The following XPR1 variants were observed in gnomAD, a reference collection of about 807,000 sequenced individuals.
XPR1 encodes the protein solute carrier family 53 member 1.
A neutral mutation model predicts 87.5 loss-of-function variants in XPR1; 28 were observed. That is an observed-to-expected ratio of 0.32 (90% confidence interval 0.24 to 0.44). The LOEUF (loss-of-function observed/expected upper bound fraction) is 0.44. XPR1 is among the 20% of genes least tolerant of loss of function. The pLI is 1.00. For missense variants in XPR1, 559 were observed against 862.3 expected, an observed-to-expected ratio of 0.65 and a Z score of 4.41; for synonymous variants, 300 against 306.1, an observed-to-expected ratio of 0.98 and a Z score of 0.21.
rs1403050257 is a variant in XPR1, at chr1:180,882,216, G to A, written c.2031-1790G>A. On this transcript the variant is annotated intron_variant, in intron 14 of 14. Transcript: ENST00000367590. ...CGGAGAAACTCTGGGAAACCAGATT[G>A]CACCAAGAGTAAGACATTAGGAATG... is the stretch of plus-strand genomic sequence containing the variant. Among the ~76,000 whole-genome samples the A allele has an allele frequency of 2.0e-5, 3 of 152,184 alleles. No homozygotes were observed. The East Asian group carries it at 5.8e-4, about 29-fold the overall frequency.
At position 180,696,779 on chromosome 1, in the gene XPR1, A is replaced by G. The variant is rs139066773; in HGVS notation, c.121+14368A>G. Among the ~76,000 whole-genome samples, 1,185 of 152,148 alleles carry G rather than the reference A, an allele frequency of 7.8e-3. 17 individuals carry two copies. Among genetic ancestry groups the G allele is most frequent in the African/African-American group, 0.027 (1,132 of 41,538 alleles). On this transcript the variant is annotated intron_variant, in intron 2 of 14. Coordinates refer to ENST00000367590, the MANE Select transcript of XPR1 (RefSeq NM_004736.4). The stretch of plus-strand genomic sequence containing the variant: ...GGTTTTTGTTTTCTGGTGATGTGAT[A>G]TTTCACATTTATTGATTTGTGTATG...
rs765908625 is a variant in XPR1, at chr1:180,806,454, G to A, written c.598-20G>A. 18 of 1,610,784 alleles carry A rather than the reference G, an allele frequency of 1.1e-5. No individual in the cohort carries two copies. The highest frequency in any genetic ancestry group is 3.3e-5 in the South Asian group (3 of 90,652). On this transcript the variant is annotated intron_variant, in intron 5 of 14. Transcript: ENST00000367590. ...AAGTTTAGTATAACCTAACCAAAAT[G>A]TAATAATTTGTCTTTCTAGGCTGTA... is the stretch of plus-strand genomic sequence containing the variant.
At chr1:180,750,313 G>C (rs1647485602) in intron 2 of XPR1, among the ~76,000 whole-genome samples, 1 of 152,000 alleles carries the variant, frequency 6.6e-6, no homozygotes, top group Non-Finnish European at 1.5e-5. Context: ...GCTCCCAAAG[G>C]GGAAGAACTA....
intron 1 of XPR1, among the ~76,000 whole-genome samples, chr1:180,680,840 A>G (rs757934447): frequency 1.3e-5 from 2 of 152,210 alleles, no homozygotes; most frequent in Admixed American, 6.5e-5. Flanking sequence ...GCTAAAGAAG[A>G]TGTGATGTAT....
intron 13 of XPR1, 73 bp from the exon 14 acceptor site, chr1:180,880,003 C>A: frequency 6.7e-7 from 1 of 1,501,734 alleles, no homozygotes; most frequent in Non-Finnish European, 9.2e-7. Flanking sequence ...AAACTTGATA[C>A]ACTGGGAGGT....
chr1:180,757,552 A>G (rs1486575830), intron 2 of XPR1, among the ~76,000 whole-genome samples: 1 of 141,688 alleles, frequency 7.1e-6, no homozygotes, highest in Non-Finnish European at 1.5e-5. Flanking sequence ...CTCTTTGTCC[A>G]TGCTGGAGTG....
intron 1 of XPR1, among the ~76,000 whole-genome samples, chr1:180,675,553 A>G (rs1656341003): frequency 1.3e-5 from 2 of 152,212 alleles, no homozygotes; most frequent in South Asian, 4.1e-4. Flanking sequence ...AACAGAAATA[A>G]GTTAACAGAA....
chr1:180,772,338 A>C (rs564748714), intron 2 of XPR1, among the ~76,000 whole-genome samples: 5 of 152,266 alleles, frequency 3.3e-5, no homozygotes, highest in Admixed American at 2.6e-4. Context: ...CTGGAAATCA[A>C]CTTCGTCTCC....
At position 180,704,274 on chromosome 1, in the gene XPR1, A is replaced by ATATATATATATG. The variant is rs1378621484; in HGVS notation, c.121+21866_121+21867insATATATATGTAT. On this transcript the variant is annotated intron_variant, in intron 2 of 14. Coordinates refer to ENST00000367590, the MANE Select transcript of XPR1 (RefSeq NM_004736.4). ...TATATATATATATATATATATATAT[A>ATATATATATATG]TATTATCAGATTATCTGTTTTGTTA... Among the ~76,000 whole-genome samples the ATATATATATATG allele has an allele frequency of 8.5e-5, 12 of 141,682 alleles. No individual in the cohort carries two copies. The South Asian group carries it at 1.1e-3, about 14-fold the overall frequency. 92.9% of individuals were successfully genotyped at this position (141,682 alleles called of 152,430 possible). A position where few individuals can be genotyped will look rare whatever the true frequency, so the allele number is the denominator to read the frequency against.
At chr1:180,685,738 T>G (rs559762032) in intron 2 of XPR1, among the ~76,000 whole-genome samples, 151 of 152,298 alleles carry the variant, frequency 9.9e-4, no homozygotes, top group African/African-American at 3.0e-3. Context: ...GTCGAGGAAT[T>G]TATCCATTTC....
At chr1:180,836,215 G>T (rs1278920498) in intron 10 of XPR1, among the ~76,000 whole-genome samples, 3 of 152,038 alleles carry the variant, frequency 2.0e-5, no homozygotes, top group Non-Finnish European at 4.4e-5. Flanking sequence ...AAAATTAGCT[G>T]GGTGTGGTGG....
intron 2 of XPR1, among the ~76,000 whole-genome samples, chr1:180,785,366 C>T (rs1406280451): frequency 6.6e-6 from 1 of 152,012 alleles, no homozygotes; most frequent in African/African-American, 2.4e-5. Flanking sequence ...CCATGTTGGT[C>T]AGGCTGGTCT....
chr1:180,787,647 A>C, intron 2 of XPR1, 106 bp from the exon 3 acceptor site: 1 of 755,004 alleles, frequency 1.3e-6, no homozygotes, highest in South Asian at 2.0e-5. Flanking sequence ...AATACATATA[A>C]AGTTGTCATT....
chr1:180,801,774 T>C (rs535696807), intron 3 of XPR1, among the ~76,000 whole-genome samples: 13 of 151,766 alleles, frequency 8.6e-5, no homozygotes, highest in South Asian at 6.3e-4. Flanking sequence ...TTGAGTGCTA[T>C]GTCCCTTGGC....
chr1:180,756,208 A>G (rs1270287175), intron 2 of XPR1, among the ~76,000 whole-genome samples: 2 of 152,248 alleles, frequency 1.3e-5, no homozygotes, highest in Non-Finnish European at 2.9e-5. Context: ...ATTGAGGCGC[A>G]TTTTACAAAA....
intron 2 of XPR1, among the ~76,000 whole-genome samples, chr1:180,779,307 A>T (rs966277115): frequency 6.6e-6 from 1 of 152,148 alleles, no homozygotes; most frequent in Admixed American, 6.5e-5. Context: ...AGTCACTAGA[A>T]TGTAAACTGT....
chr1:180,846,836 A>G (rs888486554), intron 11 of XPR1, among the ~76,000 whole-genome samples: 1 of 151,604 alleles, frequency 6.6e-6, no homozygotes, highest in Non-Finnish European at 1.5e-5. Context: ...TACACTACAC[A>G]CAATATTTTC....
chr1:180,835,147 C>T (rs1651234584), intron 10 of XPR1, 102 bp downstream of exon 10: 1 of 1,237,988 alleles, frequency 8.1e-7, no homozygotes, highest in African/African-American at 1.5e-5. Context: ...AAAACTTACC[C>T]AATAATATTA....
At chr1:180,712,079 A>AT (rs113536554) in intron 2 of XPR1, among the ~76,000 whole-genome samples, 6,533 of 152,178 alleles carry the variant, frequency 0.043, 499 homozygotes, top group African/African-American at 0.15. Context: ...TATATACAAT[A>AT]TTTTTCTATA....
Sources: gnomAD v4.1 joint callset for allele counts (sites outside exome capture counted in the v4.1 genomes callset) on GRCh38, gnomAD v4.1.1 for gene constraint, MANE v1.5 for transcripts, NCBI Gene and HGNC (gene_info 2026-07-23, HGNC 2026-07-21) for gene names.